CACNA2D1: variants seen among roughly 807,000 people sequenced by gnomAD.
The protein encoded by CACNA2D1 is voltage-dependent calcium channel subunit alpha-2/delta-1.
A neutral mutation model predicts 171.5 loss-of-function variants in CACNA2D1; 53 were observed. That is an observed-to-expected ratio of 0.31 (90% CI 0.25 to 0.39). CACNA2D1 has a LOEUF of 0.39. Ranked by LOEUF, CACNA2D1 falls within the 10% of genes least tolerant of loss-of-function variation. The probability of loss-of-function intolerance (pLI) is 1.00; values close to 1 mark genes in which losing one functional copy is unlikely to be tolerated. For synonymous variants in CACNA2D1, 442 were observed against 443.1 expected, an observed-to-expected ratio of 1.00 and a Z score of 0.03; for missense variants, 903 against 1,299.8, an observed-to-expected ratio of 0.69 and a Z score of 4.69.
chr7:82,079,406 T>C (rs1358698502), intron 7 of CACNA2D1, among the ~76,000 whole-genome samples: 1 of 152,036 alleles, frequency 6.6e-6, no homozygotes, highest in Non-Finnish European at 1.5e-5. Context: ...AAAAAGTCTA[T>C]CTTAGCTGGG....
intron 4 of CACNA2D1, among the ~76,000 whole-genome samples, chr7:82,156,175 T>C (rs1794353083): frequency 6.6e-6 from 1 of 152,220 alleles, no homozygotes; most frequent in African/African-American, 2.4e-5. Context: ...AATATGTTGG[T>C]ATACCATGTG....
chr7:81,978,977 GTATTGATA>G (rs936100865), intron 24 of CACNA2D1, among the ~76,000 whole-genome samples: 21 of 124,908 alleles, frequency 1.7e-4, no homozygotes, highest in Admixed American at 5.1e-4. Flanking sequence ...CTAGTCAGCT[GTATTGATA>G]TCATTCAGCT....
intron 1 of CACNA2D1, among the ~76,000 whole-genome samples, chr7:82,400,993 A>C (rs1826337347): frequency 6.6e-6 from 1 of 152,202 alleles, no homozygotes; most frequent in South Asian, 2.1e-4. Context: ...ATGCAAATCA[A>C]AACCACAATG....
At chr7:82,378,465 A>G (rs140990565) in intron 1 of CACNA2D1, among the ~76,000 whole-genome samples, 1 of 152,338 alleles carries the variant, frequency 6.6e-6, no homozygotes, top group Non-Finnish European at 1.5e-5. Context: ...CAGTTATTGT[A>G]ACTATATTCA....
chr7:82,419,316 T>C (rs1205179397), intron 1 of CACNA2D1, among the ~76,000 whole-genome samples: 1 of 152,014 alleles, frequency 6.6e-6, no homozygotes, highest in Non-Finnish European at 1.5e-5. Flanking sequence ...TTAGCAAGAG[T>C]GTGTGTCCAT....
intron 4 of CACNA2D1, among the ~76,000 whole-genome samples, chr7:82,160,177 C>A (rs1794805640): frequency 6.6e-6 from 1 of 151,746 alleles, no homozygotes; most frequent in Admixed American, 6.6e-5. Flanking sequence ...GACAGTGAAG[C>A]AATGTCCCAA....
intron 3 of CACNA2D1, among the ~76,000 whole-genome samples, chr7:82,227,917 G>A (rs149078728): frequency 3.7e-4 from 57 of 152,200 alleles, no homozygotes; most frequent in African/African-American, 1.3e-3. Flanking sequence ...AATAGCTCAA[G>A]TCTGTGGAGG....
intron 1 of CACNA2D1, among the ~76,000 whole-genome samples, chr7:82,393,249 G>A (rs1319567752): frequency 6.6e-6 from 1 of 152,108 alleles, no homozygotes; most frequent in Non-Finnish European, 1.5e-5. Flanking sequence ...AAACATGTAG[G>A]AGTTTAATGA....
intron 24 of CACNA2D1, among the ~76,000 whole-genome samples, chr7:81,980,928 T>C (rs1026153895): frequency 1.3e-5 from 2 of 152,196 alleles, no homozygotes; most frequent in African/African-American, 4.8e-5. Flanking sequence ...AAGGAAACAA[T>C]TATTTATAAG....
At chr7:81,976,065 C>T (rs1358246601) in intron 24 of CACNA2D1, among the ~76,000 whole-genome samples, 1 of 150,860 alleles carries the variant, frequency 6.6e-6, no homozygotes, top group Non-Finnish European at 1.5e-5. Flanking sequence ...TTTTTTGAGA[C>T]ATCCAAGTTA....
At position 82,097,210 on chromosome 7, in the gene CACNA2D1, G is replaced by A. The variant is rs535558909; in HGVS notation, c.527-12310C>T. ...CAAAACAGCTGAATGGATGAGGAAT[G>A]TGGGGCAATTGCAGGGATGTTATTA... On this transcript the variant is annotated intron_variant, in intron 6 of 38. Coordinates refer to ENST00000356860, the MANE Select transcript of CACNA2D1 (RefSeq NM_000722.4). Among the ~76,000 whole-genome samples, 224 of 152,156 alleles carry A rather than the reference G, an allele frequency of 1.5e-3. 1 individual carries two copies. The highest frequency in any genetic ancestry group is 2.2e-3 in the Non-Finnish European group (148 of 68,042).
At chr7:82,337,735 G>A (rs372920338) in intron 2 of CACNA2D1, among the ~76,000 whole-genome samples, 8 of 152,192 alleles carry the variant, frequency 5.3e-5, no homozygotes, top group East Asian at 3.9e-4. Flanking sequence ...ACTGGCCTTC[G>A]TTTTTTCTCT....
intron 2 of CACNA2D1, among the ~76,000 whole-genome samples, chr7:82,340,775 A>G (rs1818536744): frequency 6.6e-6 from 1 of 152,196 alleles, no homozygotes; most frequent in Non-Finnish European, 1.5e-5. Flanking sequence ...AGCTAAAAAT[A>G]TCGAAATGAA....
At chr7:82,231,813 G>T (rs1443895039) in intron 3 of CACNA2D1, among the ~76,000 whole-genome samples, 1 of 152,050 alleles carries the variant, frequency 6.6e-6, no homozygotes, top group Non-Finnish European at 1.5e-5. Flanking sequence ...TAAAGTCTTT[G>T]TTCAAATGCA....
chr7:82,047,138 T>G (rs1442322795), intron 10 of CACNA2D1, among the ~76,000 whole-genome samples: 3 of 152,130 alleles, frequency 2.0e-5, no homozygotes, highest in African/African-American at 7.2e-5. Flanking sequence ...TCCACAGCAC[T>G]TTTCCAACTG....
At chr7:82,313,352 C>T (rs73376130) in intron 3 of CACNA2D1, among the ~76,000 whole-genome samples, 1,838 of 152,198 alleles carry the variant, frequency 0.012, 47 homozygotes, top group African/African-American at 0.042. Context: ...AACAATAGCC[C>T]TAAAAAGCTG....
rs2130308819 is a variant in CACNA2D1, at chr7:81,964,425, TCAC to T, written c.2575-69_2575-67del. ...TGTAAGCCAAAAATGAACACGGGAA[TCAC>T]CACTACAGTGAAAAGAAATAATACA... On this transcript the variant is annotated intron_variant, in intron 32 of 38. Transcript: ENST00000356860. 3 of 1,244,048 alleles carry T rather than the reference TCAC, an allele frequency of 2.4e-6. No homozygotes were observed. In the Admixed American group the frequency reaches 5.3e-5, roughly 22 times the overall value. The allele number at this position is 1,244,048 out of a possible 1,614,324, so 77.1% of individuals were successfully genotyped here.
intron 4 of CACNA2D1, among the ~76,000 whole-genome samples, chr7:82,152,835 C>G (rs1216287192): frequency 1.3e-5 from 2 of 151,910 alleles, no homozygotes; most frequent in African/African-American, 4.8e-5. Context: ...TCGATGGTTA[C>G]TTCCAATTTT....
intron 4 of CACNA2D1, among the ~76,000 whole-genome samples, chr7:82,161,297 T>C (rs1348634628): frequency 6.6e-6 from 1 of 152,076 alleles, no homozygotes; most frequent in East Asian, 1.9e-4. Flanking sequence ...CCCATGGTTT[T>C]CTTTGATTCC....
Sources: gnomAD v4.1 joint callset for allele counts (sites outside exome capture counted in the v4.1 genomes callset) on GRCh38, gnomAD v4.1.1 for gene constraint, MANE v1.5 for transcripts, NCBI Gene and HGNC (gene_info 2026-07-23, HGNC 2026-07-21) for gene names.